Variants in NEGR1 observed in about 807,000 individuals in gnomAD.
NEGR1 encodes IgLON family member 4.
NEGR1 carries 10 observed loss-of-function variants against 40.9 expected under a neutral mutation model. The observed-to-expected ratio is 0.24, with a 90% CI of 0.15 to 0.42. NEGR1 has a LOEUF of 0.42. Ranked by LOEUF, NEGR1 falls within the 10% of genes least tolerant of loss-of-function variation. The pLI is 1.00. For synonymous variants in NEGR1, 185 were observed against 166.8 expected, an observed-to-expected ratio of 1.11 and a Z score of -0.84; for missense variants, 352 against 438.9, an observed-to-expected ratio of 0.80 and a Z score of 1.77.
At chr1:72,045,768 A>G (rs1377801657) in intron 1 of NEGR1, among the ~76,000 whole-genome samples, 3 of 151,834 alleles carry the variant, frequency 2.0e-5, no homozygotes, top group African/African-American at 7.2e-5. Flanking sequence ...GTAACAATAT[A>G]TCAAATTCAA....
At chr1:71,459,102 T>A (rs1199492925) in intron 6 of NEGR1, among the ~76,000 whole-genome samples, 3 of 152,136 alleles carry the variant, frequency 2.0e-5, no homozygotes, top group African/African-American at 7.2e-5. Flanking sequence ...GCTTTAAACA[T>A]CTTTCTTTAA....
At chr1:71,839,134 T>C (rs926915196) in intron 2 of NEGR1, among the ~76,000 whole-genome samples, 5 of 139,200 alleles carry the variant, frequency 3.6e-5, no homozygotes, top group South Asian at 2.2e-4. Flanking sequence ...AGGGGTCCCA[T>C]GAAGAATCCT....
At chr1:72,019,021 A>G (rs1646734765) in intron 1 of NEGR1, among the ~76,000 whole-genome samples, 1 of 152,174 alleles carries the variant, frequency 6.6e-6, no homozygotes. Flanking sequence ...GTCACATTGG[A>G]AATCAAGACA....
chr1:71,957,918 T>C (rs1646132192), intron 1 of NEGR1, among the ~76,000 whole-genome samples: 1 of 152,208 alleles, frequency 6.6e-6, no homozygotes. Context: ...TTGGTCTATT[T>C]TCTCTTTCCC....
At position 72,067,066 on chromosome 1, in the gene NEGR1, C is replaced by T. The variant is rs538107151; in HGVS notation, c.177-131755G>A. On this transcript the variant is annotated intron_variant, in intron 1 of 6. Coordinates refer to ENST00000357731, the MANE Select transcript of NEGR1 (RefSeq NM_173808.3). The stretch of plus-strand genomic sequence containing the variant: ...CATTTATTTCATGTTAGGTGTATTG[C>T]ATGTGGTTAAAGAGGTAAAGATCTA... Among the ~76,000 whole-genome samples the T allele has an allele frequency of 2.4e-4, 37 of 152,006 alleles. 1 individual carries two copies. Among genetic ancestry groups the T allele is most frequent in the African/African-American group, 8.0e-4 (33 of 41,464 alleles).
intron 4 of NEGR1, among the ~76,000 whole-genome samples, chr1:71,662,585 A>C (rs1466499838): frequency 6.6e-6 from 1 of 152,108 alleles, no homozygotes; most frequent in Non-Finnish European, 1.5e-5. Flanking sequence ...GATGTATTGC[A>C]TAATTACCCT....
intron 1 of NEGR1, among the ~76,000 whole-genome samples, chr1:72,007,573 AAC>A (rs1178239624): frequency 2.0e-5 from 3 of 152,266 alleles, no homozygotes; most frequent in African/African-American, 7.2e-5. Context: ...CTAGTTAAAA[AAC>A]ACATGTAAGC....
intron 3 of NEGR1, among the ~76,000 whole-genome samples, chr1:71,742,172 G>T (rs1655232844): frequency 6.6e-6 from 1 of 152,130 alleles, no homozygotes; most frequent in Non-Finnish European, 1.5e-5. Context: ...CAGCAAGAAG[G>T]CATGCATCTA....
At chr1:71,437,204 A>T (rs1408620171) in intron 6 of NEGR1, among the ~76,000 whole-genome samples, 3 of 152,158 alleles carry the variant, frequency 2.0e-5, no homozygotes, top group Admixed American at 6.5e-5. Context: ...TTTATATGAA[A>T]TATCCAGAAT....
chr1:71,833,161 A>G (rs1039697769), intron 2 of NEGR1, among the ~76,000 whole-genome samples: 1 of 152,072 alleles, frequency 6.6e-6, no homozygotes, highest in African/African-American at 2.4e-5. Flanking sequence ...CATAAAATAA[A>G]ATTGCTACTT....
chr1:71,766,439 A>G (rs1237274133), intron 3 of NEGR1, among the ~76,000 whole-genome samples: 1 of 152,236 alleles, frequency 6.6e-6, no homozygotes, highest in Non-Finnish European at 1.5e-5. Flanking sequence ...TACGGAAATT[A>G]GACAAAAAAG....
chr1:72,029,088 A>G (rs1220255010), intron 1 of NEGR1, among the ~76,000 whole-genome samples: 1 of 152,242 alleles, frequency 6.6e-6, no homozygotes, highest in Non-Finnish European at 1.5e-5. Context: ...AGATTAATAT[A>G]TAAAGATTGA....
chr1:71,963,714 G>A (rs1646187531), intron 1 of NEGR1, among the ~76,000 whole-genome samples: 1 of 152,076 alleles, frequency 6.6e-6, no homozygotes, highest in South Asian at 2.1e-4. Context: ...GTCTATGATT[G>A]GGTCTGGAGG....
intron 1 of NEGR1, among the ~76,000 whole-genome samples, chr1:71,999,313 G>C (rs538097469): frequency 6.6e-6 from 1 of 151,838 alleles, no homozygotes; most frequent in East Asian, 1.9e-4. Context: ...ACCCTTTCAT[G>C]TTTAATAATG....
Position 71,550,467 on chromosome 1 carries a change from A to AT in NEGR1, c.940+42349dup, listed in dbSNP as rs553120358. On this transcript the variant is annotated intron_variant, in intron 6 of 6. Coordinates refer to ENST00000357731, the MANE Select transcript of NEGR1 (RefSeq NM_173808.3). Reference sequence around the variant, plus strand: ...GAGTTGACTTCTTTGTTACTTACCCATTTTTTTTTTCCTGTCTACTGCTCC... The same window carrying AT: ...GAGTTGACTTCTTTGTTACTTACCCATTTTTTTTTTTCCTGTCTACTGCTCC... Among the ~76,000 whole-genome samples, 883 of 148,106 alleles carry AT rather than the reference A, an allele frequency of 6.0e-3. 5 individuals carry two copies. The highest frequency in any genetic ancestry group is 0.016 in the African/African-American group (636 of 40,296).
chr1:71,503,046 C>T (rs938442627), intron 6 of NEGR1, among the ~76,000 whole-genome samples: 3 of 152,186 alleles, frequency 2.0e-5, no homozygotes, highest in Non-Finnish European at 4.4e-5. Flanking sequence ...GTCAAAGAGA[C>T]TCTCTCTGAC....
At chr1:71,821,163 C>A (rs567326850) in intron 2 of NEGR1, among the ~76,000 whole-genome samples, 1 of 152,008 alleles carries the variant, frequency 6.6e-6, no homozygotes, top group East Asian at 2.0e-4. Context: ...AACTCTTCTG[C>A]CCTCTGCTAT....
At chr1:72,191,845 G>A (rs1424736155) in intron 1 of NEGR1, among the ~76,000 whole-genome samples, 3 of 151,656 alleles carry the variant, frequency 2.0e-5, no homozygotes, top group African/African-American at 7.2e-5. Flanking sequence ...AGGGTGGATT[G>A]ATCCAACACT....
chr1:72,232,230 G>A (rs1462683945), intron 1 of NEGR1, among the ~76,000 whole-genome samples: 2 of 151,842 alleles, frequency 1.3e-5, no homozygotes, highest in Non-Finnish European at 2.9e-5. Flanking sequence ...GGTGGTGCGT[G>A]CCTGTAATCC....
Sources: gnomAD v4.1 joint callset for allele counts (sites outside exome capture counted in the v4.1 genomes callset) on GRCh38, gnomAD v4.1.1 for gene constraint, MANE v1.5 for transcripts, NCBI Gene and HGNC (gene_info 2026-07-23, HGNC 2026-07-21) for gene names.